Variants in LARP7 observed in about 807,000 individuals in gnomAD.
The protein encoded by LARP7 is La ribonucleoprotein 7, transcriptional regulator.
Under a neutral mutation model 69.3 loss-of-function variants are expected in LARP7, and 52 were observed. The ratio of observed to expected loss-of-function variants is 0.75; its 90% confidence interval spans 0.60 to 0.95. LARP7 has a LOEUF of 0.95. Among genes scored for constraint, LARP7 ranks in the 40% least tolerant of loss-of-function variants. The probability of loss-of-function intolerance (pLI) is 0.00; values close to 1 mark genes in which losing one functional copy is unlikely to be tolerated. For synonymous variants in LARP7, 254 were observed against 215.9 expected, an observed-to-expected ratio of 1.18 and a Z score of -1.55; for missense variants, 733 against 673.0, an observed-to-expected ratio of 1.09 and a Z score of -0.99.
At chr4:112,643,808 T>C (rs866581030) in intron 1 of LARP7, among the ~76,000 whole-genome samples, 19 of 151,628 alleles carry the variant, frequency 1.3e-4, no homozygotes, top group Admixed American at 4.6e-4. Flanking sequence ...GCTGAGATCA[T>C]GCCACTGCAC....
At position 112,653,958 on chromosome 4, in the gene LARP7, A is replaced by G. The variant is rs2048859341; in HGVS notation, c.1577-110A>G. Reference sequence around the variant, plus strand: ...TGTAATATGTGTAAAGTAGCATTAAATATAATCAAAAACTGTCCTAGTTAC... The same window carrying G: ...TGTAATATGTGTAAAGTAGCATTAAGTATAATCAAAAACTGTCCTAGTTAC... On this transcript the variant is annotated intron_variant, in intron 11 of 12. Transcript: ENST00000344442. 17 of 782,196 alleles carry G rather than the reference A, an allele frequency of 2.2e-5. No homozygotes were observed. In the South Asian group the frequency reaches 2.7e-4, roughly 13 times the overall value. The allele number at this position is 782,196 out of a possible 1,614,324, so 48.5% of individuals were successfully genotyped here.
At chr4:112,642,838 C>T (rs1233283198) in intron 1 of LARP7, among the ~76,000 whole-genome samples, 2 of 152,236 alleles carry the variant, frequency 1.3e-5, no homozygotes, top group African/African-American at 2.4e-5. Flanking sequence ...GTTCTGGTCA[C>T]GTAGGCATAA....
At chr4:112,657,154 T>C (rs2048986264) in intron 12 of LARP7, 93 bp from the exon 13 acceptor site, 1 of 551,796 alleles carries the variant, frequency 1.8e-6, no homozygotes, top group Non-Finnish European at 2.9e-6. Context: ...CTGTGAAATT[T>C]TTTCTAGTCA....
rs1430842708 is a variant in LARP7 at position 112,657,314 on chromosome 4, C to T, written c.1736C>T (p.Ser579Phe). 6.4e-7 allele frequency: 1 copy of T among 1,572,572 alleles called. No individual in the cohort carries two copies. The highest frequency in any genetic ancestry group is 8.7e-7 in the Non-Finnish European group (1 of 1,154,616). The change falls in exon 13 of 13, where the codon TCT (serine) becomes TTT (phenylalanine). Residue 579 changes from serine (S) to phenylalanine (F), a missense_variant. Ser to Phe is a radical substitution (Grantham distance 155). Coordinates refer to ENST00000344442, the MANE Select transcript of LARP7 (RefSeq NM_016648.4). ...CAAGCGAGTAAACATATAAGATTTT[C>T]TGAATATGATTGAAAAAAAAAACAG... ...TQQASKHIRF[S>F]EYD
At chr4:112,652,948 A>G (rs974761158) in intron 10 of LARP7, 129 bp from the exon 11 acceptor site, 51 of 508,162 alleles carry the variant, frequency 1.0e-4, no homozygotes, top group Non-Finnish European at 1.6e-5. Flanking sequence ...GATACAGGAT[A>G]TTTGCTCCTC....
At chr4:112,647,617 G>GT (rs2048376473) in intron 7 of LARP7, 68 bp downstream of exon 7, 18 of 1,206,618 alleles carry the variant, frequency 1.5e-5, no homozygotes, top group Admixed American at 2.8e-5. Context: ...AATTAATTAG[G>GT]TTTTAATTGG....
intron 12 of LARP7, among the ~76,000 whole-genome samples, chr4:112,656,216 C>G (rs1448960077): frequency 2.0e-5 from 3 of 151,966 alleles, no homozygotes; most frequent in Non-Finnish European, 2.9e-5. Context: ...ACCAGCCCGG[C>G]CAACATATTG....
chr4:112,645,020 C>T (rs2048118998), intron 2 of LARP7, 149 bp downstream of exon 2: 2 of 244,090 alleles, frequency 8.2e-6, no homozygotes, highest in Non-Finnish European at 1.4e-5. Context: ...GATCTCAGCT[C>T]ATTGCAACCT....
chr4:112,646,272 C>A, intron 2 of LARP7, 79 bp from the exon 3 acceptor site: 1 of 706,538 alleles, frequency 1.4e-6, no homozygotes, highest in South Asian at 2.0e-5. Flanking sequence ...GCCTGAGGGC[C>A]TGAGGGGCAG....
intron 1 of LARP7, among the ~76,000 whole-genome samples, chr4:112,638,300 C>G (rs780354470): frequency 1.3e-4 from 19 of 151,960 alleles, no homozygotes; most frequent in Non-Finnish European, 2.8e-4. Context: ...CGTCTCCAAA[C>G]AAACATTTTT....
rs937970407 is a variant in LARP7, at chr4:112,647,442, G to A, written c.890G>A (p.Arg297Lys). Residue 297 changes from arginine to lysine, a missense_variant, in exon 7 of 13, where the codon AGA (arginine) becomes AAA (lysine). Arg to Lys is a conservative substitution (Grantham distance 26). Coordinates refer to ENST00000344442, the MANE Select transcript of LARP7 (RefSeq NM_016648.4). ...GAAGTCAGAACAGGGAAGAGGAAGA[G>A]AAGCAGCTCTGAAGATGCAGAATCC... Reference protein sequence around the residue: ...LPEVRTGKRKRSSSEDAESLA... With the variant: ...LPEVRTGKRKKSSSEDAESLA... 6.2e-7 allele frequency: 1 copy of A among 1,614,104 alleles called. No homozygotes were observed. Among genetic ancestry groups the A allele is most frequent in the Non-Finnish European group, 8.5e-7 (1 of 1,180,004 alleles).
chr4:112,637,800 T>G (rs1016702370), intron 1 of LARP7: 1 of 152,192 alleles, frequency 6.6e-6, no homozygotes, highest in Non-Finnish European at 1.5e-5. Context: ...AAGATGCCAT[T>G]TAACCTGGGC....
At chr4:112,643,702 G>T (rs1224004594) in intron 1 of LARP7, among the ~76,000 whole-genome samples, 1 of 152,064 alleles carries the variant, frequency 6.6e-6, no homozygotes, top group Non-Finnish European at 1.5e-5. Flanking sequence ...ACAAAAATTA[G>T]CCGGGTGTGA....
At chr4:112,652,302 C>T (rs536294307) in intron 10 of LARP7, among the ~76,000 whole-genome samples, 4 of 142,884 alleles carry the variant, frequency 2.8e-5, no homozygotes, top group African/African-American at 5.1e-5. Context: ...TTCCCCCCCC[C>T]CCCCATTTAG....
intron 12 of LARP7, among the ~76,000 whole-genome samples, chr4:112,655,003 CAAAA>C (rs916695747): frequency 3.4e-5 from 4 of 117,348 alleles, no homozygotes; most frequent in African/African-American, 5.8e-5. Context: ...CATATTTATA[CAAAA>C]AAAAAAAAAA....
chr4:112,655,578 T>C (rs2048922793), intron 12 of LARP7: 2 of 152,232 alleles, frequency 1.3e-5, no homozygotes, highest in African/African-American at 2.4e-5. Context: ...ACTTGTTTGC[T>C]AGTTAATTCA....
rs1206982758 is a variant in LARP7, at chr4:112,657,293, C to T, written c.1715C>T (p.Ala572Val). 11 of 1,580,118 alleles carry T rather than the reference C, an allele frequency of 7.0e-6. No individual in the cohort carries two copies. The highest frequency in any genetic ancestry group is 2.3e-5 in the East Asian group (1 of 43,890). ...ATTAGACTGGCAAAGACTCAACAAG[C>T]GAGTAAACATATAAGATTTTCTGAA... ...EKIRLAKTQQ[A>V]SKHIRFSEYD is the part of the protein sequence containing the mutation. Residue 572 changes from alanine (A) to valine (V), a missense_variant, in exon 13 of 13, where the codon GCG (alanine) becomes GTG (valine). By Grantham distance (64) the Ala-to-Val change is moderately conservative (BLOSUM62 0). Transcript: ENST00000344442.
Position 112,646,529 on chromosome 4 carries a change from A to G in LARP7, c.304-59A>G, listed in dbSNP as rs1227388947. 49 of 1,268,366 alleles carry G rather than the reference A, an allele frequency of 3.9e-5. 1 individual carries two copies. In the East Asian group the frequency reaches 5.7e-4, roughly 15 times the overall value. The allele number at this position is 1,268,366 out of a possible 1,614,324, so 78.6% of individuals were successfully genotyped here. ...ATGTTAACGTAATGATTATTATATG[A>G]TTATAGCTTACAATTATAAATAATA... On this transcript the variant is annotated intron_variant, in intron 3 of 12. Transcript: ENST00000344442.
intron 8 of LARP7, among the ~76,000 whole-genome samples, chr4:112,648,924 TAAAAAA>T (rs1032841876): frequency 7.1e-6 from 1 of 140,172 alleles, no homozygotes; most frequent in Non-Finnish European, 1.6e-5. Flanking sequence ...ATCTTCCTCT[TAAAAAA>T]AAAAAAGAAA....
Sources: gnomAD v4.1 joint callset for allele counts (sites outside exome capture counted in the v4.1 genomes callset) on GRCh38, gnomAD v4.1.1 for gene constraint, MANE v1.5 for transcripts, NCBI Gene and HGNC (gene_info 2026-07-23, HGNC 2026-07-21) for gene names.